YAP1: variants seen among roughly 807,000 people sequenced by gnomAD.
The protein encoded by YAP1 is Yes1 associated transcriptional regulator.
Under a neutral mutation model 56.9 loss-of-function variants are expected in YAP1, and 5 were observed. That is an observed-to-expected ratio of 0.09 (90% confidence interval 0.05 to 0.18). YAP1 has a LOEUF of 0.18. YAP1 is among the 10% of genes least tolerant of loss of function. The probability of loss-of-function intolerance (pLI) is 1.00; values close to 1 mark genes in which losing one functional copy is unlikely to be tolerated. For missense variants in YAP1, 539 were observed against 651.8 expected (o/e 0.83, Z 1.88); for synonymous variants, 265 against 248.1 (o/e 1.07, Z -0.64).
chr11:102,221,848 CATTTAT>C (rs1949949490), intron 6 of YAP1, among the ~76,000 whole-genome samples: 1 of 151,658 alleles, frequency 6.6e-6, no homozygotes, highest in Non-Finnish European at 1.5e-5. Flanking sequence ...GATATGAAAA[CATTTAT>C]ATGTTCTATT....
At chr11:102,140,393 AT>A (rs1280300584) in intron 2 of YAP1, among the ~76,000 whole-genome samples, 1 of 152,206 alleles carries the variant, frequency 6.6e-6, no homozygotes, top group Non-Finnish European at 1.5e-5. Context: ...AATCTAGGAT[AT>A]TTAAAAGTCA....
chr11:102,209,542 C>T lies in YAP1; in HGVS notation c.1010C>T (p.Thr337Ile), dbSNP rs761333072. 3 of 1,596,150 alleles carry T rather than the reference C, an allele frequency of 1.9e-6. No individual in the cohort carries two copies. The highest frequency in any genetic ancestry group is 1.1e-5 in the South Asian group (1 of 88,048). ...GCAATGCGGAATATCAATCCCAGCA[C>T]AGCAAATTCTCCAAAATGTCAGGTA... ...RQAMRNINPSTANSPKCQELA... is the reference protein window; with the variant it reads ...RQAMRNINPSIANSPKCQELA... The change falls in exon 6 of 9, where the codon ACA becomes ATA. Residue 337 changes from threonine (T) to isoleucine (I), a missense_variant. This residue lies in a region of YAP1 where 414 missense variants were observed against 512.4 expected (regional missense o/e 0.81). Transcript: ENST00000282441.
Position 102,202,860 on chromosome 11 carries a change from G to A in YAP1, c.803-3033G>A, listed in dbSNP as rs185016682. On this transcript the variant is annotated intron_variant, in intron 4 of 8. Coordinates refer to ENST00000282441, the MANE Select transcript of YAP1 (RefSeq NM_001130145.3). ...ATCTTGTGCCTTCTCTCCTCATGTA[G>A]TGCCACCAATGAAGTATTCTTGCCA... Among the ~76,000 whole-genome samples, 273 of 152,196 alleles carry A rather than the reference G, an allele frequency of 1.8e-3. 4 individuals carry two copies. Among genetic ancestry groups the A allele is most frequent in the East Asian group, 3.1e-3 (16 of 5,180 alleles).
In YAP1 at chr11:102,165,880, A is replaced by G. The variant is rs76311251; in HGVS notation, c.688+3309A>G. On this transcript the variant is annotated intron_variant, in intron 3 of 8. Transcript: ENST00000282441. ...GCTATTTTTAAATACTATTAATAGT[A>G]GATAATATTGGGGAACTGCTTCTCC... Among the ~76,000 whole-genome samples, 1,215 of 152,314 alleles carry G rather than the reference A, an allele frequency of 8.0e-3. 22 individuals carry two copies. Among genetic ancestry groups the G allele is most frequent in the African/African-American group, 0.028 (1,148 of 41,558 alleles).
chr11:102,152,048 C>T (rs1945687598), intron 2 of YAP1, among the ~76,000 whole-genome samples: 1 of 152,142 alleles, frequency 6.6e-6, no homozygotes, highest in Non-Finnish European at 1.5e-5. Context: ...GATATTTTCC[C>T]CATAACTTAA....
At chr11:102,170,488 C>G (rs912913513) in intron 3 of YAP1, among the ~76,000 whole-genome samples, 4 of 152,028 alleles carry the variant, frequency 2.6e-5, no homozygotes, top group South Asian at 2.1e-4. Flanking sequence ...TAATTCTTTC[C>G]TGTCCTCTTT....
intron 2 of YAP1, among the ~76,000 whole-genome samples, chr11:102,123,954 G>GT (rs1280184421): frequency 5.6e-5 from 8 of 143,904 alleles, no homozygotes; most frequent in African/African-American, 1.5e-4. Context: ...TTTTTTTTTT[G>GT]TTTTTTTGTT....
chr11:102,166,968 C>A (rs956797161), intron 3 of YAP1, among the ~76,000 whole-genome samples: 1 of 152,108 alleles, frequency 6.6e-6, no homozygotes, highest in Non-Finnish European at 1.5e-5. Context: ...CTTTCCAATT[C>A]TTAAGATTTT....
rs377371020 is a variant in YAP1 at position 102,143,641 on chromosome 11, T to C, written c.573-18815T>C. On this transcript the variant is annotated intron_variant, in intron 2 of 8. Transcript: ENST00000282441. Reference sequence around the variant, plus strand: ...GGGCCATATATATGTTCCCCTTTATTACCTGACTATTGCTAACAGCAGAAC... The same window carrying C: ...GGGCCATATATATGTTCCCCTTTATCACCTGACTATTGCTAACAGCAGAAC... 7.2e-5 allele frequency among the ~76,000 whole-genome samples: 11 copies of C among 152,338 alleles called. No homozygotes were observed. The East Asian group carries it at 1.9e-3, about 27-fold the overall frequency.
chr11:102,224,472 T>C (rs780254966), intron 7 of YAP1, among the ~76,000 whole-genome samples: 1 of 152,240 alleles, frequency 6.6e-6, no homozygotes, highest in Non-Finnish European at 1.5e-5. Flanking sequence ...TTTTAAAATA[T>C]GGGATTAGTT....
At chr11:102,177,408 G>A (rs968113597) in intron 3 of YAP1, among the ~76,000 whole-genome samples, 11 of 152,112 alleles carry the variant, frequency 7.2e-5, no homozygotes, top group African/African-American at 2.4e-4. Context: ...AGACCAATTT[G>A]GAAGTTACTG....
In YAP1 at chr11:102,114,251, C is replaced by T; in HGVS notation, c.429C>T (p.Thr143=). 6.2e-7 allele frequency: 1 copy of T among 1,614,122 alleles called. No homozygotes were observed. Among genetic ancestry groups the T allele is most frequent in the Non-Finnish European group, 8.5e-7 (1 of 1,179,986 alleles). Residue 143 remains threonine, a synonymous_variant, in exon 2 of 9, where the codon ACC becomes ACT. Transcript: ENST00000282441. ...QLGAVSPGTL[T]PTGVVSGPAA... ...GAGCTGTTTCTCCTGGGACACTGACCCCCACTGGAGTAGTCTCTGGCCCAG... is the reference window on the plus strand; with the variant it reads ...GAGCTGTTTCTCCTGGGACACTGACTCCCACTGGAGTAGTCTCTGGCCCAG...
intron 6 of YAP1, among the ~76,000 whole-genome samples, chr11:102,212,836 C>T (rs1409426570): frequency 1.3e-5 from 2 of 152,202 alleles, no homozygotes; most frequent in Non-Finnish European, 2.9e-5. Flanking sequence ...CCACCTCGTC[C>T]TCCCAAAGTT....
chr11:102,122,573 A>T (rs1007110624), intron 2 of YAP1, among the ~76,000 whole-genome samples: 5 of 152,140 alleles, frequency 3.3e-5, no homozygotes, highest in Non-Finnish European at 7.3e-5. Flanking sequence ...TGATTTAGAA[A>T]ATCCCTTAAT....
Position 102,110,936 on chromosome 11 carries a change from C to A in YAP1, c.88C>A (p.Pro30Thr). ...PSQPPQGQGPPSGPGQPAPAA... is the reference protein window; with the variant it reads ...PSQPPQGQGPTSGPGQPAPAA... ...GCAGCCCCCGCAGGGGCAGGGCCCG[C>A]CGTCCGGACCCGGGCAACCGGCACC... Residue 30 changes from proline (P) to threonine (T), a missense_variant, in exon 1 of 9, where the codon CCG becomes ACG. Physicochemically the swap from Pro to Thr is conservative, Grantham distance 38. Transcript: ENST00000282441. The A allele has an allele frequency of 6.8e-7, 1 of 1,465,704 alleles. No homozygotes were observed. The highest frequency in any genetic ancestry group is 9.0e-7 in the Non-Finnish European group (1 of 1,112,800). 90.8% of individuals were successfully genotyped at this position (1,465,704 alleles called of 1,614,324 possible).
At chr11:102,124,822 G>A (rs1427370053) in intron 2 of YAP1, among the ~76,000 whole-genome samples, 5 of 152,050 alleles carry the variant, frequency 3.3e-5, no homozygotes, top group Admixed American at 6.6e-5. Flanking sequence ...TGCAACCTCT[G>A]CCCCTGGAGC....
intron 7 of YAP1, among the ~76,000 whole-genome samples, chr11:102,225,575 T>G (rs1950157997): frequency 6.6e-6 from 1 of 152,202 alleles, no homozygotes; most frequent in African/African-American, 2.4e-5. Context: ...CTCTAAATAC[T>G]TTTTGCCCCA....
At chr11:102,150,826 A>C (rs1591241574) in intron 2 of YAP1, among the ~76,000 whole-genome samples, 1 of 40,760 alleles carries the variant, frequency 2.5e-5, no homozygotes, top group East Asian at 8.5e-4. Flanking sequence ...TTTTGGAGAC[A>C]GTCTTGCTCT....
chr11:102,115,165 G>C (rs1408029384), intron 2 of YAP1, among the ~76,000 whole-genome samples: 1 of 152,086 alleles, frequency 6.6e-6, no homozygotes, highest in Non-Finnish European at 1.5e-5. Context: ...CTCTGATTTT[G>C]AAATTACAGA....
Sources: allele counts gnomAD v4.1 joint callset (sites outside exome capture counted in the v4.1 genomes callset), GRCh38; gene constraint gnomAD v4.1.1; regional missense constraint gnomAD v4.1.1; transcripts MANE v1.5; gene names NCBI Gene and HGNC (gene_info 2026-07-23, HGNC 2026-07-21).